NDUFS1: variants seen among roughly 807,000 people sequenced by gnomAD.
NDUFS1 encodes the protein NADH-ubiquinone oxidoreductase 75 kDa subunit, mitochondrial.
NDUFS1 carries 61 observed loss-of-function variants against 84.4 expected under a neutral mutation model. The observed-to-expected ratio is 0.72, with a 90% CI of 0.59 to 0.89. The LOEUF is 0.89. Ranked by LOEUF, NDUFS1 falls within the 40% of genes least tolerant of loss-of-function variation. The pLI, the probability that NDUFS1 is intolerant of heterozygous loss-of-function variation, is 0.00. For synonymous variants in NDUFS1, 275 were observed against 290.0 expected, an observed-to-expected ratio of 0.95 and a Z score of 0.53; for missense variants, 891 against 890.0, an observed-to-expected ratio of 1.00 and a Z score of -0.01.
chr2:206,134,392 G>A (rs1691630508), intron 13 of NDUFS1, among the ~76,000 whole-genome samples: 1 of 152,124 alleles, frequency 6.6e-6, no homozygotes, highest in Admixed American at 6.6e-5. Context: ...GCAACACTCT[G>A]GGAGGCCGAA....
intron 12 of NDUFS1, among the ~76,000 whole-genome samples, chr2:206,140,132 C>T (rs114014367): frequency 0.056 from 8,594 of 152,142 alleles, 323 homozygotes; most frequent in African/African-American, 0.1. Flanking sequence ...AACACTTGAG[C>T]TCAGGAGTTC....
intron 18 of NDUFS1, among the ~76,000 whole-genome samples, chr2:206,124,720 T>C (rs769414737): frequency 7.2e-5 from 11 of 151,936 alleles, no homozygotes; most frequent in Non-Finnish European, 1.3e-4. Flanking sequence ...ATGCCTGTAG[T>C]CCCAGCTACT....
rs1209076508 is a variant in NDUFS1 at position 206,142,054 on chromosome 2, G to A, written c.1149C>T (p.Ser383=). 6 of 1,600,756 alleles carry A rather than the reference G, an allele frequency of 3.7e-6. No individual in the cohort carries two copies. Among genetic ancestry groups the A allele is most frequent in the Admixed American group, 3.3e-5 (2 of 59,920 alleles). ...PTAGAGTDLR[S]NYLLNTTIAG... is the part of the protein sequence containing the mutation. Reference sequence around the variant, plus strand: ...CAATTGTAGTATTAAGAAGATAATTGGAACGCAAATCTGTGCTAGAAATAC... The same window carrying A: ...CAATTGTAGTATTAAGAAGATAATTAGAACGCAAATCTGTGCTAGAAATAC... Residue 383 remains serine, a synonymous_variant, in exon 12 of 19, where the codon TCC becomes TCT. Transcript: ENST00000233190.
rs964501226 is a variant in NDUFS1 at position 206,123,066 on chromosome 2, A to T, written c.*1119T>A. 1.3e-5 allele frequency: 2 copies of T among 152,124 alleles called. No homozygotes were observed. Among genetic ancestry groups the T allele is most frequent in the African/African-American group, 4.8e-5 (2 of 41,444 alleles). 9.4% of individuals were successfully genotyped at this position (152,124 alleles called of 1,614,324 possible). A position where few individuals can be genotyped will look rare whatever the true frequency, so the allele number is the denominator to read the frequency against. On this transcript the variant is annotated 3_prime_UTR_variant, in exon 19 of 19. Coordinates refer to ENST00000233190, the MANE Select transcript of NDUFS1 (RefSeq NM_005006.7). ...TAAAAAAAAAAATTATCTATTTTTA[A>T]TTATCTCCTAATTGTAAAATTTTTA...
In NDUFS1 at chr2:206,144,124, T is replaced by A. The variant is rs763637133; in HGVS notation, c.881A>T (p.Tyr294Phe). ...EWISDKTRFA[Y>F]DGLKRQRLTE... is the part of the protein sequence containing the mutation. ...AAGTCTTTGACGTTTTAGCCCATCA[T>A]AGGCAAATCTAGAAAACAGAAATTA... is the stretch of plus-strand genomic sequence containing the variant. Residue 294 changes from tyrosine (Y) to phenylalanine (F), a missense_variant, in exon 10 of 19, where the codon TAT becomes TTT. Coordinates refer to ENST00000233190, the MANE Select transcript of NDUFS1 (RefSeq NM_005006.7). The A allele has an allele frequency of 1.2e-6, 2 of 1,611,350 alleles. No homozygotes were observed. The highest frequency in any genetic ancestry group is 2.2e-5 in the South Asian group (2 of 91,038).
chr2:206,125,096 T>A (rs991150286), intron 18 of NDUFS1, among the ~76,000 whole-genome samples: 7 of 53,228 alleles, frequency 1.3e-4, no homozygotes, highest in African/African-American at 5.0e-4. Flanking sequence ...TCTGCCCCCC[T>A]CAGCCTCCCA....
In NDUFS1 at chr2:206,159,116, G is replaced by C. The variant is rs767124728; in HGVS notation, c.-5+225C>G. 389 of 1,535,620 alleles carry C rather than the reference G, an allele frequency of 2.5e-4. No homozygotes were observed. Among genetic ancestry groups the C allele is most frequent in the Non-Finnish European group, 3.2e-4 (370 of 1,146,912 alleles). ...CCTACATTCGTGACAGCGTTCCCGA[G>C]GACCCCCTGATCCTCATCTTCTTTT... On this transcript the variant is annotated intron_variant, in intron 1 of 18. Coordinates refer to ENST00000233190, the MANE Select transcript of NDUFS1 (RefSeq NM_005006.7).
At chr2:206,135,191 G>GT (rs573471342) in intron 13 of NDUFS1, among the ~76,000 whole-genome samples, 6 of 151,656 alleles carry the variant, frequency 4.0e-5, no homozygotes, top group East Asian at 2.0e-4. Flanking sequence ...GCAAATTGGG[G>GT]TTTTTTTGTA....
In NDUFS1 at chr2:206,144,001, T is replaced by C. The variant is rs1692063670; in HGVS notation, c.987+17A>G. ...TAATCACAAACACTATTTAACACTA[T>C]TTATTTCAAATTTTACCATTCCAGC... On this transcript the variant is annotated intron_variant, in intron 10 of 18. Transcript: ENST00000233190. The C allele has an allele frequency of 1.3e-6, 2 of 1,565,504 alleles. No homozygotes were observed. Among genetic ancestry groups the C allele is most frequent in the South Asian group, 1.1e-5 (1 of 90,160 alleles).
chr2:206,144,022 C>T lies in NDUFS1; in HGVS notation c.983G>A (p.Gly328Glu), dbSNP rs947705460. The stretch of plus-strand genomic sequence containing the variant: ...ACTATTTATTTCAAATTTTACCATT[C>T]CAGCTACGCGAGAGAGCGCATCCTC... The part of the protein sequence containing the change: ...SWEDALSRVA[G>E]MLQSFQGKDV... Residue 328 changes from glycine to glutamate, a missense_variant, in exon 10 of 19, where the codon GGA becomes GAA. Transcript: ENST00000233190. 6.2e-7 allele frequency: 1 copy of T among 1,604,914 alleles called. No homozygotes were observed. Among genetic ancestry groups the T allele is most frequent in the African/African-American group, 1.3e-5 (1 of 74,710 alleles).
rs112170317 is a variant in NDUFS1, at chr2:206,137,463, C to T, written c.1392+1022G>A. Among the ~76,000 whole-genome samples, 1,312 of 151,110 alleles carry T rather than the reference C, an allele frequency of 8.7e-3. 17 individuals are homozygous for T. The highest frequency in any genetic ancestry group is 0.03 in the African/African-American group (1,242 of 41,046). On this transcript the variant is annotated intron_variant, in intron 13 of 18. Coordinates refer to ENST00000233190, the MANE Select transcript of NDUFS1 (RefSeq NM_005006.7). ...CAGCCTGGGTGACAGAGCGAGACTT[C>T]GTCTCCCCGCCAAGGAAAAAGAAAA...
rs529979522 is a variant in NDUFS1 at position 206,148,386 on chromosome 2, T to C, written c.339-552A>G. Reference sequence around the variant, plus strand: ...GTTGCCCAGGCTGGACTCGAGCTCCTGGGCTCAAGTGATCCTCCCGAGTAT... The same window carrying C: ...GTTGCCCAGGCTGGACTCGAGCTCCCGGGCTCAAGTGATCCTCCCGAGTAT... On this transcript the variant is annotated intron_variant, in intron 5 of 18. Transcript: ENST00000233190. Among the ~76,000 whole-genome samples, 6 of 152,316 alleles carry C rather than the reference T, an allele frequency of 3.9e-5. No homozygotes were observed. The South Asian group carries it at 1.0e-3, about 26-fold the overall frequency.
At chr2:206,128,033 A>G (rs1423382052) in intron 15 of NDUFS1, 61 bp from the exon 16 acceptor site, 1 of 1,530,470 alleles carries the variant, frequency 6.5e-7, no homozygotes, top group Non-Finnish European at 9.0e-7. Flanking sequence ...TCTACTGTAC[A>G]TGAAGATAGT....
intron 15 of NDUFS1, among the ~76,000 whole-genome samples, chr2:206,128,548 T>C (rs142553593): frequency 0.026 from 3,981 of 151,368 alleles, 178 homozygotes; most frequent in African/African-American, 0.092. Flanking sequence ...GAGGCCAAGG[T>C]GGACAGATGA....
At chr2:206,133,759 C>A (rs1204518871) in intron 13 of NDUFS1, among the ~76,000 whole-genome samples, 1 of 152,226 alleles carries the variant, frequency 6.6e-6, no homozygotes, top group Non-Finnish European at 1.5e-5. Flanking sequence ...GGGTGGATCA[C>A]TTGAGGACAG....
At chr2:206,145,135 C>A in intron 8 of NDUFS1, 109 bp from the exon 9 acceptor site, 1 of 1,111,094 alleles carries the variant, frequency 9.0e-7, no homozygotes, top group Non-Finnish European at 1.3e-6. Context: ...TTCTGAATTA[C>A]TTTAAAAAAT....
rs1365143751 is a variant in NDUFS1 at position 206,123,995 on chromosome 2, A to G, written c.*190T>C. On this transcript the variant is annotated 3_prime_UTR_variant, in exon 19 of 19. Coordinates refer to ENST00000233190, the MANE Select transcript of NDUFS1 (RefSeq NM_005006.7). ...TAGTTTTGTTATTTAACCTTTACACACAATACATGTTTTTCAAACTGCAAA... is the reference window on the plus strand; with the variant it reads ...TAGTTTTGTTATTTAACCTTTACACGCAATACATGTTTTTCAAACTGCAAA... The G allele has an allele frequency of 1.2e-5, 7 of 571,996 alleles. No individual in the cohort carries two copies. In the East Asian group the frequency reaches 2.0e-4, roughly 16 times the overall value. The allele number at this position is 571,996 out of a possible 1,614,324, so 35.4% of individuals were successfully genotyped here. A position where few individuals can be genotyped will look rare whatever the true frequency, so the allele number is the denominator to read the frequency against.
intron 12 of NDUFS1, among the ~76,000 whole-genome samples, chr2:206,141,546 A>T (rs1461543655): frequency 6.7e-6 from 1 of 149,508 alleles, no homozygotes; most frequent in Non-Finnish European, 1.5e-5. Flanking sequence ...ACAAAAAAAT[A>T]AAAAATAAAA....
intron 4 of NDUFS1, among the ~76,000 whole-genome samples, chr2:206,149,370 A>C (rs889360128): frequency 6.6e-6 from 1 of 152,200 alleles, no homozygotes. Context: ...CTGAAACAGA[A>C]CACCAAATAA....
Sources: allele counts gnomAD v4.1 joint callset (sites outside exome capture counted in the v4.1 genomes callset), GRCh38; gene constraint gnomAD v4.1.1; transcripts MANE v1.5; gene names NCBI Gene and HGNC (gene_info 2026-07-23, HGNC 2026-07-21).